Variants in UGT1A5 observed in about 807,000 individuals in gnomAD.
The protein encoded by UGT1A5 is UDP-glucuronosyltransferase 1A5.
In UGT1A5, 29 loss-of-function variants were observed where a neutral mutation model predicts 40.3. The observed-to-expected ratio is 0.72, with a 90% CI of 0.54 to 0.98. The LOEUF (loss-of-function observed/expected upper bound fraction) is 0.98. Among genes scored for constraint, UGT1A5 ranks in the 50% least tolerant of loss-of-function variants. The probability of loss-of-function intolerance (pLI) is 0.00; values close to 1 mark genes in which losing one functional copy is unlikely to be tolerated. For synonymous variants in UGT1A5, 257 were observed against 262.5 expected, an observed-to-expected ratio of 0.98 and a Z score of 0.20; for missense variants, 678 against 677.9, an observed-to-expected ratio of 1.00 and a Z score of 0.00.
chr2:233,747,270 T>C (rs1378649529), intron 1 of UGT1A5: 110 of 1,598,986 alleles, frequency 6.9e-5, no homozygotes, highest in Non-Finnish European at 9.1e-5. Context: ...TGCTACTCCT[T>C]CTCAGTGCCC....
At chr2:233,742,415 C>A (rs1691970237) in intron 1 of UGT1A5, among the ~76,000 whole-genome samples, 1 of 151,952 alleles carries the variant, frequency 6.6e-6, no homozygotes, top group Non-Finnish European at 1.5e-5. Context: ...TTAGGAACAC[C>A]TTAAGCGGTT....
Position 233,718,901 on chromosome 2 carries a change from G to T in UGT1A5, c.867+5043G>T, listed in dbSNP as rs377204506. On this transcript the variant is annotated intron_variant, in intron 1 of 4. Coordinates refer to ENST00000373414, the MANE Select transcript of UGT1A5 (RefSeq NM_019078.2). Reference sequence around the variant, plus strand: ...TCCTCAGTGTCCAGCCCTGGGCTGAGAGTGGAAAGGTGTTGGTGGTGCCCA... The same window carrying T: ...TCCTCAGTGTCCAGCCCTGGGCTGATAGTGGAAAGGTGTTGGTGGTGCCCA... The T allele has an allele frequency of 2.5e-6, 4 of 1,613,936 alleles. No individual in the cohort carries two copies. The South Asian group carries it at 4.4e-5, about 18-fold the overall frequency.
Position 233,772,391 on chromosome 2 carries a change from C to T in UGT1A5, c.1437C>T (p.Ala479=), listed in dbSNP as rs1559420304. 6.2e-7 allele frequency: 1 copy of T among 1,614,114 alleles called. No individual in the cohort carries two copies. Among genetic ancestry groups the T allele is most frequent in the Non-Finnish European group, 8.5e-7 (1 of 1,180,052 alleles). The change falls in exon 5 of 5, where the codon GCC becomes GCT. Residue 479 remains alanine (A), a synonymous_variant. Coordinates refer to ENST00000373414, the MANE Select transcript of UGT1A5 (RefSeq NM_019078.2). ...HKGAPHLRPA[A]HDLTWYQYHS... is the part of the protein sequence containing the mutation. ...GCGCGCCACACCTGCGCCCCGCAGCCCACGACCTCACCTGGTACCAGTACC... is the reference window on the plus strand; with the variant it reads ...GCGCGCCACACCTGCGCCCCGCAGCTCACGACCTCACCTGGTACCAGTACC...
Position 233,769,424 on chromosome 2 carries a change from G to T in UGT1A5, c.1307+985G>T. 2 of 1,481,600 alleles carry T rather than the reference G, an allele frequency of 1.3e-6. No homozygotes were observed. The highest frequency in any genetic ancestry group is 1.8e-4 in the Middle Eastern group (1 of 5,630). 91.8% of individuals were successfully genotyped at this position (1,481,600 alleles called of 1,614,324 possible). Reference sequence around the variant, plus strand: ...ATGTGCGTGTGCGTTTGTGCATGTGGCTGTGCTCATGTGTGGGTGCACACG... The same window carrying T: ...ATGTGCGTGTGCGTTTGTGCATGTGTCTGTGCTCATGTGTGGGTGCACACG... On this transcript the variant is annotated intron_variant, in intron 4 of 4. Coordinates refer to ENST00000373414, the MANE Select transcript of UGT1A5 (RefSeq NM_019078.2). This position sits in a 1 kb window ranked among gnomAD's most constrained non-coding sequence, Gnocchi z 4.4.
intron 1 of UGT1A5, among the ~76,000 whole-genome samples, chr2:233,726,499 G>A (rs2077536010): frequency 6.6e-6 from 1 of 151,996 alleles, no homozygotes; most frequent in Non-Finnish European, 1.5e-5. Context: ...TATTAATTTT[G>A]GAATTTCATG....
At chr2:233,765,256 G>A (rs1698788052) in intron 1 of UGT1A5, among the ~76,000 whole-genome samples, 1 of 152,096 alleles carries the variant, frequency 6.6e-6, no homozygotes, top group African/African-American at 2.4e-5. Flanking sequence ...CCATTACTGG[G>A]TATATACCCA....
chr2:233,760,574 G>A lies in UGT1A5; in HGVS notation c.868-6460G>A, dbSNP rs1287104845. On this transcript the variant is annotated intron_variant, in intron 1 of 4. Coordinates refer to ENST00000373414, the MANE Select transcript of UGT1A5 (RefSeq NM_019078.2). ...GTGAAAGAGTCTTTTGTTAGTCTCG[G>A]GCATAATGTTTTTGAGAATGATTCT... The A allele has an allele frequency of 6.2e-7, 1 of 1,614,190 alleles. No individual in the cohort carries two copies. The highest frequency in any genetic ancestry group is 1.3e-5 in the African/African-American group (1 of 75,038).
chr2:233,742,393 A>G (rs1691967380), intron 1 of UGT1A5, among the ~76,000 whole-genome samples: 1 of 151,992 alleles, frequency 6.6e-6, no homozygotes, highest in African/African-American at 2.4e-5. Context: ...GGCTCATGTT[A>G]TTATTTGTAG....
intron 1 of UGT1A5, among the ~76,000 whole-genome samples, chr2:233,720,216 C>G (rs1381624179): frequency 6.6e-6 from 1 of 152,096 alleles, no homozygotes; most frequent in Non-Finnish European, 1.5e-5. Context: ...GGGATGGATG[C>G]ATGTGATCAG....
intron 1 of UGT1A5, chr2:233,747,172 C>G: frequency 6.3e-7 from 1 of 1,596,738 alleles, no homozygotes. Flanking sequence ...GTAGGAGGCA[C>G]AGCGTGGGGT....
At chr2:233,715,302 T>C (rs1054337929) in intron 1 of UGT1A5, among the ~76,000 whole-genome samples, 14 of 152,238 alleles carry the variant, frequency 9.2e-5, no homozygotes, top group African/African-American at 2.7e-4. Context: ...GGCTCTTGAA[T>C]AGGTTTTGCT....
Position 233,772,513 on chromosome 2 carries a change from G to C in UGT1A5, c.1559G>C (p.Gly520Ala), listed in dbSNP as rs867885761. ...CCAYGYRKCL[G>A]KKGRVKKAHK... ...GCTTATGGCTACCGGAAATGCTTGG[G>C]GAAAAAAGGGCGAGTTAAGAAAGCC... The change falls in exon 5 of 5, where the codon GGG (glycine) becomes GCG (alanine). Residue 520 changes from glycine to alanine, a missense_variant. Gly to Ala is a moderately conservative substitution (Grantham distance 60). Transcript: ENST00000373414. 26 of 1,614,000 alleles carry C rather than the reference G, an allele frequency of 1.6e-5. 1 individual carries two copies. In the East Asian group the frequency reaches 5.6e-4, roughly 35 times the overall value.
Position 233,720,632 on chromosome 2 carries a change from G to A in UGT1A5, c.867+6774G>A, listed in dbSNP as rs527749966. 4.6e-5 allele frequency among the ~76,000 whole-genome samples: 7 copies of A among 151,594 alleles called. No homozygotes were observed. In the South Asian group the frequency reaches 1.3e-3, roughly 27 times the overall value. ...AGAATATTTGGGTTTCATTGAAATA[G>A]TACTCTGGGATGTGAAAAACCAAAT... On this transcript the variant is annotated intron_variant, in intron 1 of 4. Coordinates refer to ENST00000373414, the MANE Select transcript of UGT1A5 (RefSeq NM_019078.2).
chr2:233,768,052 A>T, intron 3 of UGT1A5, 116 bp downstream of exon 3: 1 of 1,605,578 alleles, frequency 6.2e-7, no homozygotes, highest in South Asian at 1.1e-5. Context: ...AACATATCCT[A>T]CATTGCTTTT....
rs558465100 is a variant in UGT1A5, at chr2:233,752,900, G to C, written c.868-14134G>C. 2.3e-4 allele frequency among the ~76,000 whole-genome samples: 35 copies of C among 152,364 alleles called. No individual in the cohort carries two copies. The South Asian group carries it at 6.8e-3, about 30-fold the overall frequency. ...GTTAAAACTAGCCAGCGTTGTTACA[G>C]ATCCACCTCTGAGTGACACTGGTAT... On this transcript the variant is annotated intron_variant, in intron 1 of 4. Transcript: ENST00000373414.
rs762018928 is a variant in UGT1A5 at position 233,757,539 on chromosome 2, T to TATATACATATAC, written c.868-9490_868-9489insCATATACATATA. 2.5e-3 allele frequency among the ~76,000 whole-genome samples: 287 copies of TATATACATATAC among 115,694 alleles called. 10 individuals are homozygous for TATATACATATAC. The highest frequency in any genetic ancestry group is 0.013 in the Admixed American group (155 of 12,116). 75.9% of individuals were successfully genotyped at this position (115,694 alleles called of 152,430 possible). ...GCCAAAATCTTGCCTGTAAGGAATA[T>TATATACATATAC]ATATATATATATATATATATATGTA... On this transcript the variant is annotated intron_variant, in intron 1 of 4. Coordinates refer to ENST00000373414, the MANE Select transcript of UGT1A5 (RefSeq NM_019078.2).
intron 1 of UGT1A5, among the ~76,000 whole-genome samples, chr2:233,752,079 A>T (rs1159289644): frequency 6.6e-6 from 1 of 152,210 alleles, no homozygotes; most frequent in Non-Finnish European, 1.5e-5. Flanking sequence ...AAGTCTCTCT[A>T]CCTGTTTGGA....
At chr2:233,719,976 C>T (rs771566532) in intron 1 of UGT1A5, among the ~76,000 whole-genome samples, 2 of 152,122 alleles carry the variant, frequency 1.3e-5, no homozygotes, top group African/African-American at 2.4e-5. Flanking sequence ...TCCTTCAGCT[C>T]GGCAGGATCA....
At chr2:233,748,198 C>T (rs1478971867) in intron 1 of UGT1A5, 15 of 1,535,826 alleles carry the variant, frequency 9.8e-6, no homozygotes, top group Non-Finnish European at 1.1e-5. Flanking sequence ...TTCTGCTTGT[C>T]GTAATAGCCT....
Sources: gnomAD v4.1 joint callset for allele counts (sites outside exome capture counted in the v4.1 genomes callset) on GRCh38, gnomAD v4.1.1 for gene constraint, Gnocchi (gnomAD v3.1) non-coding constraint, MANE v1.5 for transcripts, NCBI Gene and HGNC (gene_info 2026-07-23, HGNC 2026-07-21) for gene names.